The following CSMD1 variants were observed in gnomAD, a reference collection of about 807,000 sequenced individuals.
CSMD1 encodes CUB and Sushi multiple domains 1, also known as CUB and sushi domain-containing protein 1.
Under a neutral mutation model 417.5 loss-of-function variants are expected in CSMD1, and 213 were observed. The observed-to-expected ratio is 0.51, with a 90% CI of 0.46 to 0.57. The LOEUF (loss-of-function observed/expected upper bound fraction) is 0.57. Ranked by LOEUF, CSMD1 falls within the 20% of genes least tolerant of loss-of-function variation. The pLI is 0.00. For synonymous variants in CSMD1, 2,862 were observed against 1,736.8 expected, an observed-to-expected ratio of 1.65 and a Z score of -16.11; for missense variants, 6,923 against 4,529.7, an observed-to-expected ratio of 1.53 and a Z score of -15.17.
intron 3 of CSMD1, among the ~76,000 whole-genome samples, chr8:4,347,791 A>AGT (rs1800858271): frequency 1.3e-5 from 2 of 152,176 alleles, no homozygotes; most frequent in African/African-American, 4.8e-5. Context: ...GTAACTCTAA[A>AGT]TAAAATCTAT....
At chr8:3,772,220 A>AT (rs1798616609) in intron 5 of CSMD1, among the ~76,000 whole-genome samples, 1 of 143,412 alleles carries the variant, frequency 7.0e-6, no homozygotes, top group African/African-American at 2.5e-5. Flanking sequence ...ACACACATAT[A>AT]ATACACACAC....
intron 4 of CSMD1, among the ~76,000 whole-genome samples, chr8:4,026,288 C>G (rs967144415): frequency 6.6e-6 from 1 of 152,140 alleles, no homozygotes; most frequent in Non-Finnish European, 1.5e-5. Context: ...TGAAGTCATA[C>G]TACACCAGAC....
At chr8:3,029,623 A>G in intron 50 of CSMD1, 110 bp from the exon 51 acceptor site, 1 of 841,140 alleles carries the variant, frequency 1.2e-6, no homozygotes, top group Non-Finnish European at 1.9e-6. Context: ...TTGTTTGGCA[A>G]AGTTGATGCC....
intron 3 of CSMD1, among the ~76,000 whole-genome samples, chr8:4,377,220 G>A: frequency 6.6e-6 from 1 of 152,242 alleles, no homozygotes; most frequent in East Asian, 1.9e-4. Flanking sequence ...GCGCAAAAGA[G>A]GAAAATAATT....
chr8:3,385,249 A>T (rs1403553425), intron 18 of CSMD1, among the ~76,000 whole-genome samples: 2 of 149,090 alleles, frequency 1.3e-5, no homozygotes, highest in African/African-American at 4.9e-5. Flanking sequence ...ATGCATATGT[A>T]TGTATACATG....
At chr8:3,851,451 T>A (rs962902312) in intron 5 of CSMD1, among the ~76,000 whole-genome samples, 1 of 152,182 alleles carries the variant, frequency 6.6e-6, no homozygotes, top group Non-Finnish European at 1.5e-5. Flanking sequence ...CTTCTACTCA[T>A]CAATTATCTC....
intron 2 of CSMD1, among the ~76,000 whole-genome samples, chr8:4,476,889 G>A (rs769078460): frequency 4.6e-5 from 7 of 152,142 alleles, no homozygotes; most frequent in Non-Finnish European, 5.9e-5. Context: ...TTTTGTGAAG[G>A]AAAAATCCCA....
chr8:4,569,306 G>A (rs1184612493), intron 2 of CSMD1, among the ~76,000 whole-genome samples: 1 of 152,130 alleles, frequency 6.6e-6, no homozygotes, highest in Non-Finnish European at 1.5e-5. Context: ...AATCCATCTT[G>A]AGTTAATTTT....
In CSMD1 at chr8:3,994,594, A is replaced by C. The variant is rs1815056803; in HGVS notation, c.818+3309T>G. On this transcript the variant is annotated intron_variant, in intron 5 of 69. Transcript: ENST00000635120. ...TAAAGCAAGGGATTGATAGGAAGCCAACCTGCATGAAATTAGAATCCGACT... is the reference window on the plus strand; with the variant it reads ...TAAAGCAAGGGATTGATAGGAAGCCCACCTGCATGAAATTAGAATCCGACT... Among the ~76,000 whole-genome samples the C allele has an allele frequency of 2.0e-5, 3 of 152,148 alleles. No homozygotes were observed. In the South Asian group the frequency reaches 6.2e-4, roughly 32 times the overall value.
At chr8:3,581,914 C>G (rs957146717) in intron 9 of CSMD1, among the ~76,000 whole-genome samples, 1 of 152,132 alleles carries the variant, frequency 6.6e-6, no homozygotes, top group African/African-American at 2.4e-5. Context: ...AAGTGATTCT[C>G]CTGCCTCAGC....
intron 3 of CSMD1, among the ~76,000 whole-genome samples, chr8:4,210,934 C>T (rs955927942): frequency 6.6e-6 from 1 of 152,114 alleles, no homozygotes; most frequent in Non-Finnish European, 1.5e-5. Context: ...ACTCGATTGT[C>T]TGGAGTTCTG....
intron 1 of CSMD1, among the ~76,000 whole-genome samples, chr8:4,725,491 G>C (rs1461250970): frequency 1.3e-5 from 2 of 152,128 alleles, no homozygotes; most frequent in African/African-American, 4.8e-5. Context: ...AGTTACGTGA[G>C]CTCCACAAGG....
At chr8:4,742,057 G>GTCTC (rs1216255193) in intron 1 of CSMD1, among the ~76,000 whole-genome samples, 1 of 98,146 alleles carries the variant, frequency 1.0e-5, no homozygotes, top group Non-Finnish European at 1.9e-5. Flanking sequence ...TTGAGACGGA[G>GTCTC]TCTCTCTCTG....
At chr8:3,540,517 T>A (rs1011479091) in intron 10 of CSMD1, among the ~76,000 whole-genome samples, 4 of 151,736 alleles carry the variant, frequency 2.6e-5, no homozygotes, top group Non-Finnish European at 4.4e-5. Flanking sequence ...ACAACAAAAG[T>A]AAAAACTGAC....
At chr8:3,911,918 T>C (rs1440266633) in intron 5 of CSMD1, among the ~76,000 whole-genome samples, 1 of 152,216 alleles carries the variant, frequency 6.6e-6, no homozygotes, top group Non-Finnish European at 1.5e-5. Context: ...TTCCAAAGGA[T>C]TCTCCTCTAT....
chr8:3,853,303 T>G lies in CSMD1; in HGVS notation c.819-99261A>C, dbSNP rs2975376. On this transcript the variant is annotated intron_variant, in intron 5 of 69. Coordinates refer to ENST00000635120, the MANE Select transcript of CSMD1 (RefSeq NM_033225.6). The stretch of plus-strand genomic sequence containing the variant: ...TTTGTGATCTTCATACCCTGATCAA[T>G]TTTTCTTCTCACCTGACACTTATTA... Among the ~76,000 whole-genome samples, 622 of 152,312 alleles carry G rather than the reference T, an allele frequency of 4.1e-3. 7 individuals carry two copies. The highest frequency in any genetic ancestry group is 0.015 in the African/African-American group (606 of 41,582).
intron 1 of CSMD1, among the ~76,000 whole-genome samples, chr8:4,938,845 T>A (rs982130844): frequency 6.6e-6 from 1 of 152,216 alleles, no homozygotes; most frequent in African/African-American, 2.4e-5. Context: ...GAAACAGGTG[T>A]AACGTGATGT....
chr8:4,432,585 G>T (rs964664607), intron 2 of CSMD1, among the ~76,000 whole-genome samples: 1 of 152,122 alleles, frequency 6.6e-6, no homozygotes, highest in Non-Finnish European at 1.5e-5. Context: ...AGGCAGTAAA[G>T]CTCACTCCTT....
intron 1 of CSMD1, among the ~76,000 whole-genome samples, chr8:4,947,892 C>A (rs923062175): frequency 6.6e-6 from 1 of 152,008 alleles, no homozygotes; most frequent in Admixed American, 6.6e-5. Context: ...GCAAGGTGTG[C>A]GTCCATTCTC....
Sources: gnomAD v4.1 joint callset for allele counts (sites outside exome capture counted in the v4.1 genomes callset) on GRCh38, gnomAD v4.1.1 for gene constraint, MANE v1.5 for transcripts, NCBI Gene and HGNC (gene_info 2026-07-23, HGNC 2026-07-21) for gene names.